Variants in DNTTIP1 observed in about 807,000 individuals in gnomAD.
DNTTIP1 encodes deoxynucleotidyltransferase terminal-interacting protein 1.
In DNTTIP1, 22 loss-of-function variants were observed where a neutral mutation model predicts 52.9. That is an observed-to-expected ratio of 0.42 (90% CI 0.30 to 0.59). DNTTIP1 has a LOEUF of 0.59. Ranked by LOEUF, DNTTIP1 falls within the 20% of genes least tolerant of loss-of-function variation. The pLI is 0.22. For missense variants in DNTTIP1, 286 were observed against 435.5 expected (o/e 0.66, Z 3.06); for synonymous variants, 136 against 155.1 (o/e 0.88, Z 0.92).
chr20:45,806,531 C>T (rs960865129), intron 10 of DNTTIP1, among the ~76,000 whole-genome samples: 1 of 152,162 alleles, frequency 6.6e-6, no homozygotes, highest in South Asian at 2.1e-4. Context: ...ACGAGAGCAT[C>T]GAAGTAGATT....
chr20:45,806,184 C>T (rs73622608), intron 10 of DNTTIP1, among the ~76,000 whole-genome samples: 2 of 151,396 alleles, frequency 1.3e-5, no homozygotes, highest in Non-Finnish European at 2.9e-5. Flanking sequence ...GGAGAAACCC[C>T]GTCTCTACTA....
chr20:45,808,889 G>T (rs1356158461), intron 10 of DNTTIP1, among the ~76,000 whole-genome samples: 1 of 152,100 alleles, frequency 6.6e-6, no homozygotes, highest in Non-Finnish European at 1.5e-5. Context: ...GTGAGAAGGG[G>T]GTGGGGATTG....
intron 3 of DNTTIP1, 101 bp downstream of exon 3, chr20:45,794,118 T>A: frequency 1.6e-6 from 1 of 626,228 alleles, no homozygotes; most frequent in Non-Finnish European, 2.6e-6. Context: ...TACAGATATC[T>A]AAAGTTTTCC....
intron 4 of DNTTIP1, among the ~76,000 whole-genome samples, chr20:45,798,582 A>G (rs13040683): frequency 0.03 from 4,526 of 152,070 alleles, 186 homozygotes; most frequent in Admixed American, 0.12. Flanking sequence ...TTTATTGACT[A>G]TACTCTGGCT....
At chr20:45,794,720 G>A in intron 3 of DNTTIP1, among the ~76,000 whole-genome samples, 1 of 150,746 alleles carries the variant, frequency 6.6e-6, no homozygotes. Flanking sequence ...GGGAGGCCGA[G>A]GCAGGATCAC....
Position 45,793,931 on chromosome 20 carries a change from C to A in DNTTIP1, c.187C>A (p.Pro63Thr). Residue 63 changes from proline (P) to threonine (T), a missense_variant, in exon 3 of 13, where the codon CCT becomes ACT. Pro to Thr is a conservative substitution (Grantham distance 38). Transcript: ENST00000372622. ...RSQMTTSFTD[P>T]AISMDLLRAV... Reference sequence around the variant, plus strand: ...CCCTCCTGAATGCAGTTTCACAGATCCTGCCATCTCCATGGATCTCCTCCG... The same window carrying A: ...CCCTCCTGAATGCAGTTTCACAGATACTGCCATCTCCATGGATCTCCTCCG... The A allele has an allele frequency of 6.3e-7, 1 of 1,591,492 alleles. No individual in the cohort carries two copies. The highest frequency in any genetic ancestry group is 1.2e-5 in the South Asian group (1 of 85,936).
intron 4 of DNTTIP1, among the ~76,000 whole-genome samples, chr20:45,800,153 A>G (rs929445512): frequency 1.3e-5 from 2 of 151,866 alleles, no homozygotes; most frequent in African/African-American, 4.8e-5. Context: ...ACAGCAGCTT[A>G]CTGAGGAGTA....
intron 4 of DNTTIP1, among the ~76,000 whole-genome samples, chr20:45,800,694 AATAT>A (rs1158615012): frequency 1.6e-3 from 27 of 16,364 alleles, no homozygotes; most frequent in South Asian, 2.2e-3. Context: ...AAAAAAAAAA[AATAT>A]ATATATATAT....
At chr20:45,805,802 G>C (rs1024378642) in intron 10 of DNTTIP1, among the ~76,000 whole-genome samples, 4 of 152,168 alleles carry the variant, frequency 2.6e-5, no homozygotes, top group African/African-American at 9.7e-5. Flanking sequence ...TTAGAGTTTG[G>C]GCCAGGTGCG....
intron 8 of DNTTIP1, among the ~76,000 whole-genome samples, chr20:45,803,940 C>T (rs1055618768): frequency 6.6e-6 from 1 of 152,196 alleles, no homozygotes; most frequent in African/African-American, 2.4e-5. Flanking sequence ...CCCTCTCTCT[C>T]CTGAGTTCTT....
At chr20:45,793,305 GT>G (rs1172129994) in intron 2 of DNTTIP1, among the ~76,000 whole-genome samples, 3 of 152,060 alleles carry the variant, frequency 2.0e-5, no homozygotes, top group Non-Finnish European at 4.4e-5. Flanking sequence ...GCTCACGCCT[GT>G]AATCCCAGCA....
chr20:45,802,209 G>A (rs542207919), intron 7 of DNTTIP1, 152 bp downstream of exon 7: 31 of 836,292 alleles, frequency 3.7e-5, no homozygotes, highest in Admixed American at 1.2e-4. Flanking sequence ...GGAGGGGTGA[G>A]GAAGGAGGGT....
chr20:45,802,125 A>G, intron 7 of DNTTIP1, 68 bp downstream of exon 7: 1 of 1,533,196 alleles, frequency 6.5e-7, no homozygotes, highest in Middle Eastern at 1.8e-4. Context: ...CTGAAGGAAA[A>G]GAGTCCAGGG....
At chr20:45,799,640 T>A (rs1395893501) in intron 4 of DNTTIP1, among the ~76,000 whole-genome samples, 1 of 152,198 alleles carries the variant, frequency 6.6e-6, no homozygotes, top group Non-Finnish European at 1.5e-5. Context: ...CTCTGTCACA[T>A]CTGCCTGGGT....
At chr20:45,800,949 G>A in intron 4 of DNTTIP1, 125 bp from the exon 5 acceptor site, 1 of 775,284 alleles carries the variant, frequency 1.3e-6, no homozygotes, top group Non-Finnish European at 2.2e-6. Context: ...AGCCAAGATG[G>A]TGCTGCTGCA....
chr20:45,793,926 C>A lies in DNTTIP1; in HGVS notation c.182C>A (p.Thr61Lys). 6.3e-7 allele frequency: 1 copy of A among 1,586,812 alleles called. No homozygotes were observed. Among genetic ancestry groups the A allele is most frequent in the Non-Finnish European group, 8.6e-7 (1 of 1,165,676 alleles). The change falls in exon 3 of 13, where the codon ACA (threonine) becomes AAA (lysine). Residue 61 changes from threonine (T) to lysine (K), a missense_variant. Around this residue, in one of 2 missense-constraint regions of DNTTIP1, gnomAD observed 208 missense variants for 266.5 expected, o/e 0.78. Transcript: ENST00000372622. Reference sequence around the variant, plus strand: ...TGTCTCCCTCCTGAATGCAGTTTCACAGATCCTGCCATCTCCATGGATCTC... The same window carrying A: ...TGTCTCCCTCCTGAATGCAGTTTCAAAGATCCTGCCATCTCCATGGATCTC... ...GRRSQMTTSF[T>K]DPAISMDLLR...
Position 45,792,764 on chromosome 20 carries a change from A to G in DNTTIP1, c.176+17A>G, listed in dbSNP as rs1466961620. 1.9e-6 allele frequency: 3 copies of G among 1,604,240 alleles called. No individual in the cohort carries two copies. The highest frequency in any genetic ancestry group is 1.1e-5 in the South Asian group (1 of 89,978). The stretch of plus-strand genomic sequence containing the variant: ...GACAACAAGGTAAGGCTGGCCCTGC[A>G]TGGGGCTTATATCCCAGCCACTGGC... On this transcript the variant is annotated intron_variant, in intron 2 of 12. Transcript: ENST00000372622.
chr20:45,804,546 C>A (rs1981573434), intron 8 of DNTTIP1, among the ~76,000 whole-genome samples: 1 of 152,182 alleles, frequency 6.6e-6, no homozygotes, highest in East Asian at 1.9e-4. Context: ...TTCCCCATTG[C>A]CTACAGAAGA....
intron 10 of DNTTIP1, among the ~76,000 whole-genome samples, chr20:45,806,093 C>T (rs1306894880): frequency 1.3e-5 from 2 of 151,336 alleles, no homozygotes; most frequent in African/African-American, 4.9e-5. Flanking sequence ...CAGTGGCTCA[C>T]GCCTGTAATC....
Sources: allele counts gnomAD v4.1 joint callset (sites outside exome capture counted in the v4.1 genomes callset), GRCh38; gene constraint gnomAD v4.1.1; regional missense constraint gnomAD v4.1.1; transcripts MANE v1.5; gene names NCBI Gene and HGNC (gene_info 2026-07-23, HGNC 2026-07-21).